Variants in CELF2 observed in about 807,000 individuals in gnomAD.
CELF2 encodes CUG triplet repeat RNA-binding protein 2.
In CELF2, 8 loss-of-function variants were observed where a neutral mutation model predicts 62.6. The observed-to-expected ratio is 0.13, with a 90% confidence interval of 0.07 to 0.23. The LOEUF is 0.23. Among genes scored for constraint, CELF2 ranks in the 10% least tolerant of loss-of-function variants. The pLI, the probability that CELF2 is intolerant of heterozygous loss-of-function variation, is 1.00. For synonymous variants in CELF2, 258 were observed against 250.0 expected (o/e 1.03, Z -0.30); for missense variants, 333 against 671.0 (o/e 0.50, Z 5.56).
chr10:10,916,443 T>A (rs886170358), intron 1 of CELF2, among the ~76,000 whole-genome samples: 1 of 152,192 alleles, frequency 6.6e-6, no homozygotes, highest in East Asian at 1.9e-4. Flanking sequence ...AGCATAGTTT[T>A]CCCCGGCTGG....
At chr10:10,510,231 G>A in the CELF2 span, among the ~76,000 whole-genome samples, 1 of 152,158 alleles carries the variant, frequency 6.6e-6, no homozygotes, top group South Asian at 2.1e-4. Context: ...AAACCTGTAA[G>A]TGCCATTATC....
At chr10:11,252,098 G>A (rs775229865) in intron 4 of CELF2, among the ~76,000 whole-genome samples, 1 of 152,212 alleles carries the variant, frequency 6.6e-6, no homozygotes, top group Non-Finnish European at 1.5e-5. Context: ...AGGCCCAAAT[G>A]GAACCTCACC....
intron 1 of CELF2, among the ~76,000 whole-genome samples, chr10:11,124,703 G>A (rs2058369194): frequency 6.6e-6 from 1 of 152,114 alleles, no homozygotes. Flanking sequence ...AGCGTACAAG[G>A]TACACACAGC....
intron 1 of CELF2, among the ~76,000 whole-genome samples, chr10:10,889,696 C>T (rs2061999678): frequency 6.6e-6 from 1 of 152,186 alleles, no homozygotes; most frequent in East Asian, 1.9e-4. Flanking sequence ...GAACTTAGTT[C>T]TGCCACCTGC....
chr10:11,210,423 G>A (rs903584840), intron 2 of CELF2, among the ~76,000 whole-genome samples: 3 of 152,126 alleles, frequency 2.0e-5, no homozygotes, highest in African/African-American at 4.8e-5. Flanking sequence ...GCTCCGAAAC[G>A]GAAATACTTT....
intron 1 of CELF2, among the ~76,000 whole-genome samples, chr10:10,865,245 T>A (rs2060281992): frequency 6.6e-6 from 1 of 152,168 alleles, no homozygotes; most frequent in Non-Finnish European, 1.5e-5. Flanking sequence ...TAATGCCTAA[T>A]GGGATTATCT....
intron 8 of CELF2, 131 bp from the exon 9 acceptor site, chr10:11,288,287 C>G (rs1288256086): frequency 1.4e-5 from 15 of 1,104,734 alleles, no homozygotes; most frequent in Non-Finnish European, 1.8e-5. Flanking sequence ...AGCTCCCACC[C>G]AGGCAGGTGA....
the CELF2 span, among the ~76,000 whole-genome samples, chr10:10,754,069 T>TTTTTTG: frequency 1.3e-5 from 2 of 150,040 alleles, no homozygotes; most frequent in African/African-American, 4.9e-5. Flanking sequence ...TGGTTTTTTT[T>TTTTTTG]TTTTTTTTTT....
the CELF2 span, among the ~76,000 whole-genome samples, chr10:10,561,851 C>T: frequency 6.6e-6 from 1 of 152,194 alleles, no homozygotes; most frequent in African/African-American, 2.4e-5. Context: ...AGACAGAGAA[C>T]AAGGGGTGAA....
At chr10:10,559,990 T>C in the CELF2 span, among the ~76,000 whole-genome samples, 2 of 152,220 alleles carry the variant, frequency 1.3e-5, no homozygotes, top group Non-Finnish European at 2.9e-5. Context: ...CAAAGCTGAC[T>C]GTGCAGGGCT....
chr10:10,985,619 C>A (rs970620644), intron 2 of CELF2, among the ~76,000 whole-genome samples: 1 of 152,174 alleles, frequency 6.6e-6, no homozygotes, highest in Non-Finnish European at 1.5e-5. Flanking sequence ...CTGGTTCATG[C>A]TAGAAACAGT....
chr10:10,621,450 A>T, the CELF2 span, among the ~76,000 whole-genome samples: 31 of 152,300 alleles, frequency 2.0e-4, 1 homozygote, highest in South Asian at 6.2e-3. Context: ...GAAGCGTAGC[A>T]TAGGTCTCCA....
intron 1 of CELF2, among the ~76,000 whole-genome samples, chr10:10,812,777 G>A (rs2056056176): frequency 6.6e-6 from 1 of 152,200 alleles, no homozygotes; most frequent in Non-Finnish European, 1.5e-5. Flanking sequence ...ACTTTGTAGT[G>A]TTTGTGTAGT....
chr10:10,521,066 T>C, the CELF2 span, among the ~76,000 whole-genome samples: 1 of 152,126 alleles, frequency 6.6e-6, no homozygotes, highest in Admixed American at 6.5e-5. Context: ...GGTTGCTGAA[T>C]CTGAGACAAG....
the CELF2 span, among the ~76,000 whole-genome samples, chr10:10,655,503 G>T: frequency 7.9e-6 from 1 of 126,052 alleles, no homozygotes; most frequent in East Asian, 2.0e-4. Context: ...AAAACAGCAT[G>T]GTACTGGTAC....
At chr10:10,876,358 G>A (rs2061093219) in intron 1 of CELF2, among the ~76,000 whole-genome samples, 1 of 151,960 alleles carries the variant, frequency 6.6e-6, no homozygotes, top group South Asian at 2.1e-4. Flanking sequence ...GTTAAGTTTG[G>A]GTTAACCTTA....
chr10:11,320,728 A>AT (rs1254827415), intron 10 of CELF2: 2 of 986,748 alleles, frequency 2.0e-6, no homozygotes, highest in East Asian at 5.2e-5. Flanking sequence ...GTTTTATTTC[A>AT]TCCTTTCCTC....
rs2054031970 is a variant in CELF2, at chr10:10,997,077, C to T, written c.89+77078C>T. 6.6e-6 allele frequency among the ~76,000 whole-genome samples: 1 copy of T among 152,166 alleles called. No individual in the cohort carries two copies. Among genetic ancestry groups the T allele is most frequent in the African/African-American group, 2.4e-5 (1 of 41,444 alleles). ...TGCTAAAATCTGCTTTGGCCCTTCT[C>T]CTCTCTCTACAGCTGCTGCCTGGCA... On this transcript the variant is annotated intron_variant, in intron 2 of 13. Coordinates refer to the CELF2 transcript ENST00000636488. This position sits in a 1 kb window ranked among gnomAD's most constrained non-coding sequence, Gnocchi z 5.3.
the CELF2 span, among the ~76,000 whole-genome samples, chr10:10,651,768 G>A: frequency 5.3e-5 from 8 of 151,596 alleles, no homozygotes; most frequent in Admixed American, 3.9e-4. Flanking sequence ...ACAAAGATGG[G>A]GAAAAAAAAA....
Sources: allele counts gnomAD v4.1 joint callset (sites outside exome capture counted in the v4.1 genomes callset), GRCh38; gene constraint gnomAD v4.1.1; non-coding constraint Gnocchi (gnomAD v3.1); transcripts MANE v1.5; gene names NCBI Gene and HGNC (gene_info 2026-07-23, HGNC 2026-07-21).